Variants in CPQ observed in about 807,000 individuals in gnomAD.
CPQ encodes the protein carboxypeptidase Q, also known as Ser-Met dipeptidase.
A neutral mutation model predicts 45.7 loss-of-function variants in CPQ; 37 were observed. The ratio of observed to expected loss-of-function variants is 0.81; its 90% CI spans 0.62 to 1.07. CPQ has a LOEUF of 1.07. Among genes scored for constraint, CPQ ranks in the 50% least tolerant of loss-of-function variants. The pLI is 0.00. For synonymous variants in CPQ, 186 were observed against 205.8 expected (o/e 0.90, Z 0.82); for missense variants, 537 against 572.9 (o/e 0.94, Z 0.64).
intron 4 of CPQ, among the ~76,000 whole-genome samples, chr8:96,918,127 T>C (rs1471884998): frequency 6.6e-6 from 1 of 152,156 alleles, no homozygotes; most frequent in Admixed American, 6.6e-5. Flanking sequence ...GATAGGCTTA[T>C]AATAAAAACT....
intron 1 of CPQ, among the ~76,000 whole-genome samples, chr8:96,734,535 C>A (rs1370888829): frequency 6.6e-6 from 1 of 151,898 alleles, no homozygotes; most frequent in African/African-American, 2.4e-5. Context: ...AACGGTGAAA[C>A]TCCATCTCTA....
At chr8:96,928,138 C>T (rs1812917642) in intron 4 of CPQ, among the ~76,000 whole-genome samples, 1 of 152,112 alleles carries the variant, frequency 6.6e-6, no homozygotes, top group Non-Finnish European at 1.5e-5. Flanking sequence ...CTGTGCCCAT[C>T]TTTTACTCTC....
chr8:96,999,502 G>A (rs1809233806), intron 5 of CPQ, among the ~76,000 whole-genome samples: 1 of 151,770 alleles, frequency 6.6e-6, no homozygotes, highest in Admixed American at 6.6e-5. Flanking sequence ...TTGTTTTTCT[G>A]TTTCTGTGTT....
intron 5 of CPQ, among the ~76,000 whole-genome samples, chr8:97,014,682 A>G (rs1809550146): frequency 6.6e-6 from 1 of 151,860 alleles, no homozygotes; most frequent in Non-Finnish European, 1.5e-5. Context: ...CCCCAAATGT[A>G]CTATGGTCTG....
chr8:96,929,318 G>A (rs1812940270), intron 4 of CPQ, among the ~76,000 whole-genome samples: 1 of 152,208 alleles, frequency 6.6e-6, no homozygotes, highest in Non-Finnish European at 1.5e-5. Context: ...AATTGTATTG[G>A]TGAGGAGGAA....
chr8:96,665,610 A>G (rs969050443), intron 1 of CPQ, among the ~76,000 whole-genome samples: 1 of 152,232 alleles, frequency 6.6e-6, no homozygotes, highest in African/African-American at 2.4e-5. Flanking sequence ...AGATGGGATT[A>G]AACCAAATGA....
At chr8:96,941,029 C>T (rs996701365) in intron 4 of CPQ, among the ~76,000 whole-genome samples, 1 of 152,060 alleles carries the variant, frequency 6.6e-6, no homozygotes, top group Admixed American at 6.6e-5. Context: ...TTGTAATCAC[C>T]CAGTGTTTCT....
chr8:97,076,031 T>G (rs1586528793), intron 7 of CPQ, among the ~76,000 whole-genome samples: 2 of 152,084 alleles, frequency 1.3e-5, no homozygotes, highest in African/African-American at 4.8e-5. Context: ...TGTTTGTTTG[T>G]TTTTTGTTTT....
intron 7 of CPQ, among the ~76,000 whole-genome samples, chr8:97,142,736 C>A (rs1448114271): frequency 1.3e-5 from 2 of 152,200 alleles, no homozygotes; most frequent in Non-Finnish European, 2.9e-5. Flanking sequence ...CATGCAGCTC[C>A]AAAGTTCTCA....
chr8:96,760,694 A>G (rs1032272164), intron 1 of CPQ, among the ~76,000 whole-genome samples: 13 of 152,346 alleles, frequency 8.5e-5, no homozygotes, highest in Admixed American at 8.5e-4. Context: ...GTTTTAGGCT[A>G]CATTGCCTAG....
intron 4 of CPQ, among the ~76,000 whole-genome samples, chr8:96,921,376 A>G (rs892467072): frequency 1.3e-5 from 2 of 152,178 alleles, no homozygotes; most frequent in Non-Finnish European, 2.9e-5. Context: ...ATTTTTATTT[A>G]TTGCTCAGCT....
chr8:96,860,911 G>A (rs896608974), intron 3 of CPQ, among the ~76,000 whole-genome samples: 1 of 152,106 alleles, frequency 6.6e-6, no homozygotes, highest in Non-Finnish European at 1.5e-5. Context: ...GATTTTCAAT[G>A]TGAGTGTCTT....
chr8:97,078,012 G>T (rs1308801123), intron 7 of CPQ, among the ~76,000 whole-genome samples: 1 of 152,078 alleles, frequency 6.6e-6, no homozygotes, highest in Non-Finnish European at 1.5e-5. Context: ...CCATCAGTTT[G>T]TTTACTAGTA....
intron 7 of CPQ, among the ~76,000 whole-genome samples, chr8:97,105,861 C>T (rs1811394792): frequency 6.6e-6 from 1 of 152,214 alleles, no homozygotes; most frequent in Non-Finnish European, 1.5e-5. Flanking sequence ...CTGCAAAAAT[C>T]AGTTACATTT....
At chr8:96,707,192 T>C (rs1809541249) in intron 1 of CPQ, among the ~76,000 whole-genome samples, 2 of 152,116 alleles carry the variant, frequency 1.3e-5, no homozygotes, top group Admixed American at 1.3e-4. Flanking sequence ...CACTGTTGCT[T>C]AGTAGGAATT....
At chr8:96,743,971 A>T (rs1477456633) in intron 1 of CPQ, among the ~76,000 whole-genome samples, 3 of 152,216 alleles carry the variant, frequency 2.0e-5, no homozygotes, top group African/African-American at 7.2e-5. Flanking sequence ...CTACAGAGGC[A>T]GGCAGGCCTC....
chr8:97,094,006 G>GT (rs2130569904), intron 7 of CPQ, among the ~76,000 whole-genome samples: 1 of 152,256 alleles, frequency 6.6e-6, no homozygotes, highest in East Asian at 1.9e-4. Flanking sequence ...CCCTTTATTT[G>GT]TAAGGGCAAA....
chr8:97,022,977 T>C (rs1331194109), intron 5 of CPQ, among the ~76,000 whole-genome samples: 4 of 147,080 alleles, frequency 2.7e-5, no homozygotes, highest in South Asian at 2.1e-4. Context: ...ATATATATAC[T>C]GTATATAGTA....
At chr8:96,964,003 T>G (rs1813508454) in intron 4 of CPQ, among the ~76,000 whole-genome samples, 1 of 152,154 alleles carries the variant, frequency 6.6e-6, no homozygotes, top group African/African-American at 2.4e-5. Flanking sequence ...CATTTTCCAT[T>G]TCTATATTAT....
Sources: gnomAD v4.1 joint callset for allele counts (sites outside exome capture counted in the v4.1 genomes callset) on GRCh38, gnomAD v4.1.1 for gene constraint, MANE v1.5 for transcripts, NCBI Gene and HGNC (gene_info 2026-07-23, HGNC 2026-07-21) for gene names.